Variants in B3GALT1 observed in about 807,000 individuals in gnomAD.
The protein encoded by B3GALT1 is UDP-Gal:betaGlcNAc beta 1,3-galactosyltransferase, polypeptide 1.
B3GALT1 carries 10 observed loss-of-function variants against 23.2 expected under a neutral mutation model. The observed-to-expected ratio is 0.43, with a 90% CI of 0.27 to 0.73. The LOEUF is 0.73. Ranked by LOEUF, B3GALT1 falls within the 30% of genes least tolerant of loss-of-function variation. The pLI, the probability that B3GALT1 is intolerant of heterozygous loss-of-function variation, is 0.21. For synonymous variants in B3GALT1, 156 were observed against 141.5 expected (o/e 1.10, Z -0.73); for missense variants, 299 against 405.4 (o/e 0.74, Z 2.25).
chr2:167,868,254 G>A (rs1485166643), intron 4 of B3GALT1, among the ~76,000 whole-genome samples: 1 of 152,182 alleles, frequency 6.6e-6, no homozygotes, highest in Non-Finnish European at 1.5e-5. Flanking sequence ...GAACAGTTGG[G>A]AATTACTTCT....
Position 167,393,031 on chromosome 2 carries a change from A to G in B3GALT1, c.-510-97146A>G, listed in dbSNP as rs182546707. On this transcript the variant is annotated intron_variant, in intron 1 of 4. Coordinates refer to ENST00000392690, the MANE Select transcript of B3GALT1 (RefSeq NM_020981.4). ...GGGTGGATCACGAAGTCAGCAGATC[A>G]AGACCATCCTGGCTAACACGGTGAA... Among the ~76,000 whole-genome samples, 115 of 152,180 alleles carry G rather than the reference A, an allele frequency of 7.6e-4. No homozygotes were observed. In the East Asian group the frequency reaches 0.016, roughly 21 times the overall value.
At chr2:167,322,100 C>T (rs966379922) in intron 1 of B3GALT1, among the ~76,000 whole-genome samples, 2 of 151,892 alleles carry the variant, frequency 1.3e-5, no homozygotes, top group African/African-American at 4.8e-5. Context: ...AGGCGCACTT[C>T]CTCAAAGAAA....
chr2:167,528,832 TAGGATTCCA>T (rs1442143399), intron 2 of B3GALT1, among the ~76,000 whole-genome samples: 3 of 152,176 alleles, frequency 2.0e-5, no homozygotes, highest in African/African-American at 7.2e-5. Flanking sequence ...ATAGAGATCT[TAGGATTCCA>T]AGGATTCCTA....
intron 1 of B3GALT1, among the ~76,000 whole-genome samples, chr2:167,477,680 T>C (rs1334279267): frequency 6.6e-6 from 1 of 152,246 alleles, no homozygotes; most frequent in Non-Finnish European, 1.5e-5. Flanking sequence ...TCTGCTGTGA[T>C]GGCTACTGCA....
At chr2:167,678,678 C>G (rs763951594) in intron 3 of B3GALT1, among the ~76,000 whole-genome samples, 3 of 152,170 alleles carry the variant, frequency 2.0e-5, no homozygotes, top group Non-Finnish European at 4.4e-5. Context: ...TTCCATTTTC[C>G]AGTTTTCCTT....
At chr2:167,710,981 A>G (rs975608787) in intron 3 of B3GALT1, among the ~76,000 whole-genome samples, 3 of 152,178 alleles carry the variant, frequency 2.0e-5, no homozygotes, top group African/African-American at 7.2e-5. Context: ...CACTGCATTT[A>G]GAATGATATC....
Position 167,602,360 on chromosome 2 carries a change from C to T in B3GALT1, c.-409-44549C>T, listed in dbSNP as rs77783044. The stretch of plus-strand genomic sequence containing the variant: ...GCAGTGCCACACAATTGAACAGTTC[C>T]GGAGTACTCAATACCTAGTTGTGGG... On this transcript the variant is annotated intron_variant, in intron 2 of 4. Transcript: ENST00000392690. 6.3e-3 allele frequency among the ~76,000 whole-genome samples: 956 copies of T among 152,160 alleles called. 9 individuals carry two copies. The highest frequency in any genetic ancestry group is 0.022 in the African/African-American group (926 of 41,516).
intron 3 of B3GALT1, among the ~76,000 whole-genome samples, chr2:167,703,106 A>G (rs1407302732): frequency 5.9e-5 from 9 of 152,198 alleles, no homozygotes; most frequent in Non-Finnish European, 1.3e-4. Flanking sequence ...TGGGTGTTTT[A>G]CCTGACAGAT....
chr2:167,505,190 T>C (rs1290136681), intron 2 of B3GALT1, among the ~76,000 whole-genome samples: 2 of 152,152 alleles, frequency 1.3e-5, no homozygotes, highest in Non-Finnish European at 2.9e-5. Context: ...CTTTGGAGGG[T>C]AGTGGAGCTG....
At chr2:167,446,650 A>T (rs1272582511) in intron 1 of B3GALT1, among the ~76,000 whole-genome samples, 1 of 152,142 alleles carries the variant, frequency 6.6e-6, no homozygotes, top group Non-Finnish European at 1.5e-5. Context: ...TCAGTTGATC[A>T]AATCGGCTAC....
At chr2:167,565,039 G>C (rs535918022) in intron 2 of B3GALT1, among the ~76,000 whole-genome samples, 45 of 152,182 alleles carry the variant, frequency 3.0e-4, no homozygotes, top group African/African-American at 8.2e-4. Context: ...AAAAGAGCCC[G>C]CATTGCCAAG....
At chr2:167,431,846 C>G (rs1007364773) in intron 1 of B3GALT1, among the ~76,000 whole-genome samples, 2 of 152,090 alleles carry the variant, frequency 1.3e-5, no homozygotes, top group Non-Finnish European at 2.9e-5. Context: ...CCCCTCTATT[C>G]TAAGAAAAAT....
chr2:167,735,158 C>G (rs1439885154), intron 3 of B3GALT1, among the ~76,000 whole-genome samples: 1 of 152,192 alleles, frequency 6.6e-6, no homozygotes, highest in Non-Finnish European at 1.5e-5. Flanking sequence ...ATTAAATCCC[C>G]CCTTCCAATT....
intron 3 of B3GALT1, among the ~76,000 whole-genome samples, chr2:167,687,824 T>C (rs1686641411): frequency 6.6e-6 from 1 of 152,106 alleles, no homozygotes; most frequent in Non-Finnish European, 1.5e-5. Context: ...TTTAAATAAA[T>C]TTAAACAAAT....
chr2:167,863,605 TTA>T, intron 4 of B3GALT1, among the ~76,000 whole-genome samples: 1 of 152,214 alleles, frequency 6.6e-6, no homozygotes, highest in East Asian at 1.9e-4. Context: ...ACCAACTACT[TTA>T]TCCAACTTAC....
At chr2:167,774,558 C>T (rs1435406869) in intron 3 of B3GALT1, among the ~76,000 whole-genome samples, 11 of 130,294 alleles carry the variant, frequency 8.4e-5, no homozygotes, top group Non-Finnish European at 1.6e-4. Context: ...AGTGCAGTGG[C>T]GTGATCTCGG....
intron 4 of B3GALT1, among the ~76,000 whole-genome samples, chr2:167,865,166 CAGG>C: frequency 6.6e-6 from 1 of 151,724 alleles, no homozygotes; most frequent in East Asian, 1.9e-4. Context: ...CCCAGCACTT[CAGG>C]AGGCCGAGGC....
chr2:167,525,529 G>A (rs553297930), intron 2 of B3GALT1, among the ~76,000 whole-genome samples: 18 of 151,850 alleles, frequency 1.2e-4, no homozygotes, highest in East Asian at 9.7e-4. Flanking sequence ...ATGGACTTAC[G>A]TATATTATAT....
intron 1 of B3GALT1, among the ~76,000 whole-genome samples, chr2:167,469,739 A>C (rs979315692): frequency 3.3e-5 from 5 of 152,188 alleles, no homozygotes; most frequent in African/African-American, 1.2e-4. Context: ...ATGAAACTAC[A>C]CTGGAAAGCG....
Sources: gnomAD v4.1 joint callset for allele counts (sites outside exome capture counted in the v4.1 genomes callset) on GRCh38, gnomAD v4.1.1 for gene constraint, MANE v1.5 for transcripts, NCBI Gene and HGNC (gene_info 2026-07-23, HGNC 2026-07-21) for gene names.